The following PTPN9 variants were observed in gnomAD, a reference collection of about 807,000 sequenced individuals.
PTPN9 encodes protein tyrosine phosphatase non-receptor type 9.
Under a neutral mutation model 69.8 loss-of-function variants are expected in PTPN9, and 26 were observed. The ratio of observed to expected loss-of-function variants is 0.37; its 90% CI spans 0.27 to 0.52. The LOEUF is 0.52. Ranked by LOEUF, PTPN9 falls within the 20% of genes least tolerant of loss-of-function variation. The probability of loss-of-function intolerance (pLI) is 0.91; values close to 1 mark genes in which losing one functional copy is unlikely to be tolerated. For missense variants in PTPN9, 549 were observed against 740.3 expected, an observed-to-expected ratio of 0.74 and a Z score of 3.00; for synonymous variants, 274 against 272.5, an observed-to-expected ratio of 1.01 and a Z score of -0.05.
chr15:75,496,447 T>A (rs1032360717), intron 7 of PTPN9, among the ~76,000 whole-genome samples: 1 of 151,790 alleles, frequency 6.6e-6, no homozygotes, highest in Non-Finnish European at 1.5e-5. Flanking sequence ...GGAGACATAG[T>A]ATAAGAGCTA....
chr15:75,537,166 A>G (rs1370072562), intron 1 of PTPN9, among the ~76,000 whole-genome samples: 1 of 151,640 alleles, frequency 6.6e-6, no homozygotes, highest in Non-Finnish European at 1.5e-5. Flanking sequence ...AGCCTGACCA[A>G]TATGGCAAAA....
chr15:75,554,622 C>T (rs1033544348), intron 1 of PTPN9, among the ~76,000 whole-genome samples: 40 of 152,226 alleles, frequency 2.6e-4, no homozygotes, highest in African/African-American at 7.9e-4. Flanking sequence ...CCACCATGCC[C>T]GGCCTAGATC....
chr15:75,479,757 T>C lies in PTPN9; in HGVS notation c.1129+91A>G, dbSNP rs574491473. ...TAGTGGCCAAAACCTCCACTCAAGT[T>C]ACCATTCGTTTAAAAATTATGCTAT... On this transcript the variant is annotated intron_variant, in intron 9 of 12. Coordinates refer to ENST00000618819, the MANE Select transcript of PTPN9 (RefSeq NM_002833.4). The C allele has an allele frequency of 8.9e-6, 10 of 1,129,242 alleles. No individual in the cohort carries two copies. The African/African-American group carries it at 1.1e-4, about 13-fold the overall frequency. 70.0% of individuals were successfully genotyped at this position (1,129,242 alleles called of 1,614,324 possible).
chr15:75,564,860 T>C (rs1007049065), intron 1 of PTPN9, among the ~76,000 whole-genome samples: 1 of 151,818 alleles, frequency 6.6e-6, no homozygotes, highest in African/African-American at 2.4e-5. Context: ...TCCCGGCACT[T>C]TGGGAGCCTG....
intron 1 of PTPN9, among the ~76,000 whole-genome samples, chr15:75,540,906 C>T (rs1296677333): frequency 6.6e-6 from 1 of 151,190 alleles, no homozygotes; most frequent in Non-Finnish European, 1.5e-5. Flanking sequence ...AGGGAAACCT[C>T]GTCTCTAAAA....
chr15:75,477,421 C>T (rs1383308074), intron 9 of PTPN9, among the ~76,000 whole-genome samples: 4 of 152,040 alleles, frequency 2.6e-5, no homozygotes, highest in African/African-American at 9.7e-5. Flanking sequence ...ATGGTGAAAC[C>T]CTGTCTCTAC....
At chr15:75,537,481 C>T (rs1251329937) in intron 1 of PTPN9, among the ~76,000 whole-genome samples, 8 of 111,378 alleles carry the variant, frequency 7.2e-5, no homozygotes, top group East Asian at 2.9e-4. Context: ...AGGCCAGGCT[C>T]GGTGGCTCAC....
rs1237519171 is a variant in PTPN9 at position 75,530,816 on chromosome 15, A to G, written c.64-3555T>C. Among the ~76,000 whole-genome samples the G allele has an allele frequency of 1.4e-4, 14 of 97,422 alleles. No homozygotes were observed. In the Admixed American group the frequency reaches 2.5e-3, roughly 17 times the overall value. The allele number at this position is 97,422 out of a possible 152,430, so 63.9% of individuals were successfully genotyped here. A position where few individuals can be genotyped will look rare whatever the true frequency, so the allele number is the denominator to read the frequency against. On this transcript the variant is annotated intron_variant, in intron 1 of 12. Transcript: ENST00000618819. Reference sequence around the variant, plus strand: ...AATAGAATATATTATAATATATCATAATATAATATAATATATATTATAATA... The same window carrying G: ...AATAGAATATATTATAATATATCATGATATAATATAATATATATTATAATA...
chr15:75,488,166 A>G (rs574584287), intron 8 of PTPN9, among the ~76,000 whole-genome samples: 3 of 152,266 alleles, frequency 2.0e-5, no homozygotes, highest in African/African-American at 7.2e-5. Context: ...CTGTAATCCC[A>G]GCTACTCGGG....
intron 5 of PTPN9, among the ~76,000 whole-genome samples, chr15:75,515,470 A>G (rs890622595): frequency 2.4e-4 from 36 of 151,178 alleles, no homozygotes; most frequent in East Asian, 7.8e-4. Flanking sequence ...TTTTATGTAT[A>G]CAGAGTACAT....
In PTPN9 at chr15:75,469,715, G is replaced by T. The variant is rs1331236715; in HGVS notation, c.1567+77C>A. ...GTGAGTTCCTTCTCCAATCACAGAT[G>T]TGGGCTAAGAGCTTTGTTTTTCCTC... On this transcript the variant is annotated intron_variant, in intron 12 of 12. Coordinates refer to ENST00000618819, the MANE Select transcript of PTPN9 (RefSeq NM_002833.4). 3 of 1,476,590 alleles carry T rather than the reference G, an allele frequency of 2.0e-6. No individual in the cohort carries two copies. The Admixed American group carries it at 5.1e-5, about 25-fold the overall frequency. 91.5% of individuals were successfully genotyped at this position (1,476,590 alleles called of 1,614,324 possible). A position where few individuals can be genotyped will look rare whatever the true frequency, so the allele number is the denominator to read the frequency against.
intron 2 of PTPN9, among the ~76,000 whole-genome samples, chr15:75,525,844 A>G (rs2074925127): frequency 6.6e-6 from 1 of 151,632 alleles, no homozygotes; most frequent in Non-Finnish European, 1.5e-5. Flanking sequence ...GGATCACTTG[A>G]GCTCAGGAGG....
intron 7 of PTPN9, among the ~76,000 whole-genome samples, chr15:75,503,319 C>G (rs2074785232): frequency 6.9e-6 from 1 of 145,726 alleles, no homozygotes; most frequent in Non-Finnish European, 1.5e-5. Flanking sequence ...GCTCCTCTGC[C>G]CGGTCGCGAC....
At chr15:75,469,741 G>C in intron 12 of PTPN9, 51 bp downstream of exon 12, 2 of 1,576,630 alleles carry the variant, frequency 1.3e-6, no homozygotes, top group Non-Finnish European at 8.7e-7. Context: ...GTTTTTCCTC[G>C]TCCACCCCTA....
At chr15:75,528,541 T>C (rs2074941072) in intron 1 of PTPN9, among the ~76,000 whole-genome samples, 1 of 151,714 alleles carries the variant, frequency 6.6e-6, no homozygotes, top group Non-Finnish European at 1.5e-5. Context: ...GCATATGTCA[T>C]CACACCCAGT....
intron 1 of PTPN9, among the ~76,000 whole-genome samples, chr15:75,574,809 G>A (rs2075163765): frequency 6.6e-6 from 1 of 151,378 alleles, no homozygotes; most frequent in Admixed American, 6.6e-5. Flanking sequence ...GGGTGTGGTG[G>A]CGGGCGCCTG....
At position 75,527,247 on chromosome 15, in the gene PTPN9, A is replaced by G. The variant is rs767051285; in HGVS notation, c.78T>C (p.Phe26=). The part of the protein sequence containing the change: ...TPEEEQATKQ[F]LEEINKWTVQ... Reference sequence around the variant, plus strand: ...CTGTCCACTTGTTAATCTCTTCGAGAAACTGCTTGGTAGCCTGTTTGACAA... The same window carrying G: ...CTGTCCACTTGTTAATCTCTTCGAGGAACTGCTTGGTAGCCTGTTTGACAA... Residue 26 remains phenylalanine (F), a synonymous_variant, in exon 2 of 13, where the codon TTT becomes TTC. Coordinates refer to ENST00000618819, the MANE Select transcript of PTPN9 (RefSeq NM_002833.4). The G allele has an allele frequency of 1.1e-5, 17 of 1,614,134 alleles. No homozygotes were observed. The East Asian group carries it at 3.8e-4, about 36-fold the overall frequency.
At chr15:75,496,683 G>A (rs938687418) in intron 7 of PTPN9, among the ~76,000 whole-genome samples, 1 of 151,820 alleles carries the variant, frequency 6.6e-6, no homozygotes, top group African/African-American at 2.4e-5. Flanking sequence ...TTTTTGTAGA[G>A]ACAGGGTTTC....
intron 1 of PTPN9, among the ~76,000 whole-genome samples, chr15:75,545,766 T>G (rs1025700075): frequency 6.6e-6 from 1 of 152,168 alleles, no homozygotes; most frequent in Non-Finnish European, 1.5e-5. Context: ...CTGGCCAACA[T>G]GGCGAAACCC....
Sources: gnomAD v4.1 joint callset for allele counts (sites outside exome capture counted in the v4.1 genomes callset) on GRCh38, gnomAD v4.1.1 for gene constraint, MANE v1.5 for transcripts, NCBI Gene and HGNC (gene_info 2026-07-23, HGNC 2026-07-21) for gene names.